TEAD2: variants seen among roughly 807,000 people sequenced by gnomAD.
TEAD2 encodes TEA domain transcription factor 2, also known as transcriptional enhancer factor TEF-4.
Under a neutral mutation model 61.4 loss-of-function variants are expected in TEAD2, and 51 were observed. That is an observed-to-expected ratio of 0.83 (90% confidence interval 0.66 to 1.05). The LOEUF (loss-of-function observed/expected upper bound fraction) is 1.05, where lower values mean the gene tolerates loss of function less well. Ranked by LOEUF, TEAD2 falls within the 50% of genes least tolerant of loss-of-function variation. The pLI is 0.00. For missense variants in TEAD2, 509 were observed against 600.0 expected, an observed-to-expected ratio of 0.85 and a Z score of 1.58; for synonymous variants, 244 against 243.2, an observed-to-expected ratio of 1.00 and a Z score of -0.03.
chr19:49,340,910 T>C lies in TEAD2; in HGVS notation c.*414A>G, dbSNP rs1016383888. 5.3e-6 allele frequency: 1 copy of C among 187,168 alleles called. No individual in the cohort carries two copies. Among genetic ancestry groups the C allele is most frequent in the African/African-American group, 2.4e-5 (1 of 41,320 alleles). 11.6% of individuals were successfully genotyped at this position (187,168 alleles called of 1,614,324 possible). ...GGGGCAGAAATTTCAGGGGGAGGGG[T>C]GGCTGGGAAAAAGTAAAGGGGACAA... is the stretch of plus-strand genomic sequence containing the variant. On this transcript the variant is annotated 3_prime_UTR_variant, in exon 13 of 13. Coordinates refer to ENST00000593945, the MANE Select transcript of TEAD2 (RefSeq NM_001256660.2).
intron 4 of TEAD2, 128 bp downstream of exon 4, chr19:49,357,124 G>A: frequency 1.1e-6 from 1 of 869,820 alleles, no homozygotes; most frequent in Non-Finnish European, 1.7e-6. Flanking sequence ...CTTTCTCTCT[G>A]GGTCTCAGTC....
intron 12 of TEAD2, 129 bp downstream of exon 12, chr19:49,342,309 C>T: frequency 7.9e-7 from 1 of 1,268,532 alleles, no homozygotes; most frequent in South Asian, 1.4e-5. Context: ...GAGCCTCAGG[C>T]TGAGGGCTCA....
chr19:49,355,013 ACATACATG>A, intron 7 of TEAD2, 127 bp downstream of exon 7: 1 of 644,454 alleles, frequency 1.6e-6, no homozygotes, highest in Non-Finnish European at 2.8e-6. Flanking sequence ...ATAAATACAT[ACATACATG>A]CATACATACA....
intron 4 of TEAD2, 42 bp downstream of exon 4, chr19:49,357,210 C>T (rs750366496): frequency 6.3e-7 from 1 of 1,576,508 alleles, no homozygotes; most frequent in Non-Finnish European, 8.7e-7. Context: ...CCCCCACCCC[C>T]AGTCTCTGTC....
intron 4 of TEAD2, 58 bp from the exon 5 acceptor site, chr19:49,356,028 T>C (rs1972369147): frequency 8.1e-7 from 1 of 1,229,526 alleles, no homozygotes; most frequent in African/African-American, 1.6e-5. Context: ...ACTTAGGAAG[T>C]ACGGCCCGGA....
At chr19:49,360,448 T>G in intron 1 of TEAD2, 1 of 296,484 alleles carries the variant, frequency 3.4e-6, no homozygotes, top group Non-Finnish European at 6.3e-6. Context: ...GGAGCTGGAT[T>G]TCTTGGAAAG....
At chr19:49,361,767 C>T (rs2146721910) in intron 1 of TEAD2, 1 of 152,846 alleles carries the variant, frequency 6.5e-6, no homozygotes, top group Middle Eastern at 3.4e-3. Context: ...GTCCAGGCCC[C>T]TATTCCCCTC....
intron 7 of TEAD2, among the ~76,000 whole-genome samples, chr19:49,354,303 A>G (rs548149198): frequency 6.6e-5 from 10 of 151,800 alleles, no homozygotes; most frequent in African/African-American, 2.4e-4. Context: ...CAGGAGTTCA[A>G]GACCAACCTG....
intron 6 of TEAD2, 49 bp downstream of exon 6, chr19:49,355,263 C>A: frequency 6.2e-7 from 1 of 1,613,556 alleles, no homozygotes; most frequent in Non-Finnish European, 8.5e-7. Flanking sequence ...GCTGCAGCCC[C>A]ATCCATCCCC....
chr19:49,343,819 T>G (rs930995921), intron 10 of TEAD2, among the ~76,000 whole-genome samples: 2 of 146,228 alleles, frequency 1.4e-5, no homozygotes, highest in Non-Finnish European at 3.0e-5. Context: ...TCTTCAGTGT[T>G]GTTTTGTTTT....
In TEAD2 at chr19:49,341,422, C is replaced by G. The variant is rs781427860; in HGVS notation, c.1258G>C (p.Asp420His). The part of the protein sequence containing the change: ...FTILQVVTNR[D>H]TQELLLCTAY... ...GTGCAGAGCAGCAGTTCCTGGGTGT[C>G]TCTGTTTGTCACCACCTGCCAGGAA... Residue 420 changes from aspartate to histidine, a missense_variant, in exon 13 of 13, where the codon GAC becomes CAC. Asp to His is a moderately conservative substitution (Grantham distance 81). Coordinates refer to ENST00000593945, the MANE Select transcript of TEAD2 (RefSeq NM_001256660.2). This position sits in a 1 kb window ranked among gnomAD's most constrained non-coding sequence, Gnocchi z 4.2. 6.2e-7 allele frequency: 1 copy of G among 1,613,922 alleles called. No individual in the cohort carries two copies. Among genetic ancestry groups the G allele is most frequent in the South Asian group, 1.1e-5 (1 of 91,086 alleles).
rs1444143127 is a variant in TEAD2, at chr19:49,342,469, T to G, written c.1211A>C (p.Asn404Thr). ...GATGGTGAAGTTTTCCAGGACGCTG[T>G]TCATCATGTATCGCTCAGGCAGCTG... ...LRQLPERYMM[N>T]SVLENFTILQ... is the part of the protein sequence containing the mutation. Residue 404 changes from asparagine to threonine, a missense_variant, in exon 12 of 13, where the codon AAC becomes ACC. By Grantham distance (65) the Asn-to-Thr change is moderately conservative. Coordinates refer to ENST00000593945, the MANE Select transcript of TEAD2 (RefSeq NM_001256660.2). 1 of 1,614,042 alleles carries G rather than the reference T, an allele frequency of 6.2e-7. No individual in the cohort carries two copies. Among genetic ancestry groups the G allele is most frequent in the East Asian group, 2.2e-5 (1 of 44,872 alleles).
At chr19:49,351,223 G>T in intron 8 of TEAD2, 78 bp downstream of exon 8, 2 of 1,351,378 alleles carry the variant, frequency 1.5e-6, no homozygotes, top group South Asian at 1.3e-5. Context: ...TCCCTCAATT[G>T]ATGGAAGGTT....
At chr19:49,355,247 T>C (rs1972308377) in intron 6 of TEAD2, 41 bp from the exon 7 acceptor site, 1 of 1,613,564 alleles carries the variant, frequency 6.2e-7, no homozygotes, top group Admixed American at 1.7e-5. Context: ...CAGTCCCCTG[T>C]GGACAGCTGC....
chr19:49,348,575 T>C, intron 9 of TEAD2, 128 bp downstream of exon 9: 1 of 894,338 alleles, frequency 1.1e-6, no homozygotes, highest in South Asian at 1.5e-5. Flanking sequence ...AAGCAATCTC[T>C]GTTTTAAGAA....
intron 10 of TEAD2, among the ~76,000 whole-genome samples, chr19:49,345,084 A>G (rs1018683098): frequency 3.9e-5 from 6 of 152,110 alleles, no homozygotes; most frequent in Admixed American, 1.3e-4. Flanking sequence ...TGGGCTTCCT[A>G]AGGGGGTGGC....
At chr19:49,358,967 C>T (rs1337649362) in intron 3 of TEAD2, among the ~76,000 whole-genome samples, 2 of 152,108 alleles carry the variant, frequency 1.3e-5, no homozygotes, top group East Asian at 1.9e-4. Flanking sequence ...CAGTAGCTCA[C>T]GCCTGTAATC....
rs966988214 is a variant in TEAD2, at chr19:49,341,026, G to A, written c.*298C>T. 4 of 308,552 alleles carry A rather than the reference G, an allele frequency of 1.3e-5. No individual in the cohort carries two copies. Among genetic ancestry groups the A allele is most frequent in the Admixed American group, 4.4e-5 (1 of 22,868 alleles). 19.1% of individuals were successfully genotyped at this position (308,552 alleles called of 1,614,324 possible). Reference sequence around the variant, plus strand: ...AAGAAAAGCCAGTGCTGTACCTGGGGGGTTGTCTCACTCCTGTCCCCACAA... The same window carrying A: ...AAGAAAAGCCAGTGCTGTACCTGGGAGGTTGTCTCACTCCTGTCCCCACAA... On this transcript the variant is annotated 3_prime_UTR_variant, in exon 13 of 13. Transcript: ENST00000593945. The surrounding 1 kb of genome is among the most constrained non-coding windows in gnomAD (Gnocchi z 4.2).
At position 49,348,775 on chromosome 19, in the gene TEAD2, C is replaced by T. The variant is rs1490119350; in HGVS notation, c.675G>A (p.Arg225=). The T allele has an allele frequency of 1.2e-6, 2 of 1,613,458 alleles. No individual in the cohort carries two copies. The highest frequency in any genetic ancestry group is 2.2e-5 in the East Asian group (1 of 44,876). The change falls in exon 9 of 13, where the codon CGG becomes CGA. Residue 225 remains arginine (R), a synonymous_variant. Coordinates refer to ENST00000593945, the MANE Select transcript of TEAD2 (RefSeq NM_001256660.2). The part of the protein sequence containing the change: ...PTPSPPAWQA[R]GLGTARLQLV... ...GCTGCAACCGGGCGGTGCCCAGGCCCCGAGCCTGCCAGGCTGGGGGCGATG... is the reference window on the plus strand; with the variant it reads ...GCTGCAACCGGGCGGTGCCCAGGCCTCGAGCCTGCCAGGCTGGGGGCGATG...
Sources: gnomAD v4.1 joint callset for allele counts (sites outside exome capture counted in the v4.1 genomes callset) on GRCh38, gnomAD v4.1.1 for gene constraint, Gnocchi (gnomAD v3.1) non-coding constraint, MANE v1.5 for transcripts, NCBI Gene and HGNC (gene_info 2026-07-23, HGNC 2026-07-21) for gene names.